The following MYO18A variants were observed in gnomAD, a reference collection of about 807,000 sequenced individuals.
MYO18A encodes myosin XVIIIA.
MYO18A carries 78 observed loss-of-function variants against 235.8 expected under a neutral mutation model. The observed-to-expected ratio is 0.33, with a 90% CI of 0.28 to 0.40. The LOEUF (loss-of-function observed/expected upper bound fraction) is 0.40, where lower values mean the gene tolerates loss of function less well. Among genes scored for constraint, MYO18A ranks in the 10% least tolerant of loss-of-function variants. The pLI, the probability that MYO18A is intolerant of heterozygous loss-of-function variation, is 1.00. For missense variants in MYO18A, 2,215 were observed against 2,699.3 expected (o/e 0.82, Z 3.98); for synonymous variants, 977 against 1,077.8 (o/e 0.91, Z 1.83).
chr17:29,094,640 C>T lies in MYO18A; in HGVS notation c.4710+10G>A. The stretch of plus-strand genomic sequence containing the variant: ...CACCTCACCTCTCCCTTGGCCAAGC[C>T]CTCCTGTACCTGTTCCAGCATCTGG... On this transcript the variant is annotated intron_variant, in intron 30 of 41. Transcript: ENST00000527372. 1 of 1,613,980 alleles carries T rather than the reference C, an allele frequency of 6.2e-7. No individual in the cohort carries two copies. The highest frequency in any genetic ancestry group is 8.5e-7 in the Non-Finnish European group (1 of 1,179,850).
intron 2 of MYO18A, chr17:29,129,161 C>T (rs993172234): frequency 2.4e-6 from 3 of 1,240,704 alleles, no homozygotes; most frequent in East Asian, 1.1e-4. Flanking sequence ...GGCCCCAAGA[C>T]ATGCCAGGCC....
intron 1 of MYO18A, among the ~76,000 whole-genome samples, chr17:29,169,684 G>A (rs2068359275): frequency 6.6e-6 from 1 of 152,134 alleles, no homozygotes; most frequent in African/African-American, 2.4e-5. Context: ...GGGCACTTGT[G>A]GAAGAAATGA....
intron 40 of MYO18A, 82 bp from the exon 41 acceptor site, chr17:29,082,520 G>A (rs570391543): frequency 4.7e-4 from 692 of 1,464,934 alleles, no homozygotes; most frequent in Non-Finnish European, 5.4e-4. Flanking sequence ...TGCAGGGGGT[G>A]TCTTGGGCAG....
At chr17:29,096,636 C>T in intron 28 of MYO18A, 125 bp downstream of exon 28, 1 of 1,236,112 alleles carries the variant, frequency 8.1e-7, no homozygotes, top group East Asian at 2.8e-5. Context: ...GATGAGTGAC[C>T]AGGCAAGCAA....
Position 29,156,922 on chromosome 17 carries a change from C to T in MYO18A, c.999+9020G>A, listed in dbSNP as rs895487634. On this transcript the variant is annotated intron_variant, in intron 2 of 41. Transcript: ENST00000527372. The stretch of plus-strand genomic sequence containing the variant: ...GCCAGTGAGAAGCCTGCATTGCCCC[C>T]ACCACTGCTAGGCCCTCTGCCAGGC... 5.3e-5 allele frequency among the ~76,000 whole-genome samples: 8 copies of T among 152,328 alleles called. No individual in the cohort carries two copies. The East Asian group carries it at 1.5e-3, about 29-fold the overall frequency.
intron 21 of MYO18A, among the ~76,000 whole-genome samples, chr17:29,100,494 G>A (rs977100051): frequency 7.2e-5 from 11 of 152,238 alleles, no homozygotes; most frequent in Admixed American, 7.2e-4. Context: ...GGGCTGGAGG[G>A]CAGGCATGTG....
At chr17:29,110,767 C>T in intron 17 of MYO18A, 145 bp from the exon 18 acceptor site, 1 of 804,028 alleles carries the variant, frequency 1.2e-6, no homozygotes, top group South Asian at 1.9e-5. Flanking sequence ...ATGCCCCACA[C>T]CCTACAGAGA....
Position 29,103,646 on chromosome 17 carries a change from C to T in MYO18A, c.3460G>A (p.Glu1154Lys). ...CTGCTCTTCTCCAGATCCAAGCACT[C>T]CAGCAGCTCCTCCACTGCCTGTGGA... is the stretch of plus-strand genomic sequence containing the variant. The part of the protein sequence containing the change: ...DERRAVEELL[E>K]CLDLEKSSCC... Residue 1154 changes from glutamate (E) to lysine (K), a missense_variant, in exon 21 of 42, where the codon GAG becomes AAG. Physicochemically the swap from Glu to Lys is moderately conservative, Grantham distance 56. Coordinates refer to ENST00000527372, the MANE Select transcript of MYO18A (RefSeq NM_078471.4). 6.2e-7 allele frequency: 1 copy of T among 1,613,834 alleles called. No homozygotes were observed. Among genetic ancestry groups the T allele is most frequent in the Non-Finnish European group, 8.5e-7 (1 of 1,179,898 alleles).
At chr17:29,146,680 T>G (rs1365523206) in intron 2 of MYO18A, among the ~76,000 whole-genome samples, 1 of 152,248 alleles carries the variant, frequency 6.6e-6, no homozygotes, top group African/African-American at 2.4e-5. Flanking sequence ...AACCTGGGGC[T>G]GTGACATTTT....
intron 38 of MYO18A, 82 bp downstream of exon 38, chr17:29,086,854 C>T: frequency 6.9e-7 from 1 of 1,457,056 alleles, no homozygotes. Context: ...ACCCTATCCT[C>T]AACCAGGCCA....
chr17:29,134,711 C>T (rs1270996463), intron 2 of MYO18A, among the ~76,000 whole-genome samples: 12 of 151,558 alleles, frequency 7.9e-5, no homozygotes, highest in African/African-American at 1.2e-4. Flanking sequence ...TTAGTAGAGA[C>T]GGGGTTTCTC....
intron 2 of MYO18A, among the ~76,000 whole-genome samples, chr17:29,139,251 C>G (rs1423602137): frequency 2.0e-5 from 3 of 152,220 alleles, no homozygotes; most frequent in Non-Finnish European, 4.4e-5. Flanking sequence ...GGAGGCCCCC[C>G]TTCCCTGGGG....
intron 1 of MYO18A, among the ~76,000 whole-genome samples, chr17:29,171,678 T>C (rs2068407252): frequency 6.6e-6 from 1 of 151,194 alleles, no homozygotes; most frequent in Admixed American, 6.6e-5. Context: ...GCAGATCGCT[T>C]GAGCTCAGGA....
At chr17:29,114,776 A>G in intron 14 of MYO18A, 131 bp downstream of exon 14, 1 of 980,672 alleles carries the variant, frequency 1.0e-6, no homozygotes, top group Non-Finnish European at 1.5e-6. Context: ...GCAAGGAACG[A>G]CTCCTGCTCC....
chr17:29,114,903 C>T lies in MYO18A; in HGVS notation c.2511+4G>A. The T allele has an allele frequency of 6.2e-7, 1 of 1,611,370 alleles. No homozygotes were observed. The highest frequency in any genetic ancestry group is 1.7e-4 in the Middle Eastern group (1 of 6,042). On this transcript the variant is annotated splice_donor_region_variant and intron_variant, in intron 14 of 41. Transcript: ENST00000527372. ...GCTAGATGAGGCCCAGGCCCCAGAG[C>T]TACCTCCTTGTATCTTTCCAACTCC...
chr17:29,160,685 A>G (rs779298100), intron 2 of MYO18A, among the ~76,000 whole-genome samples: 3 of 152,138 alleles, frequency 2.0e-5, no homozygotes, highest in Non-Finnish European at 2.9e-5. Context: ...CCACTGTAAC[A>G]TGTCCTCTCC....
At chr17:29,135,948 C>A (rs1169081462) in intron 2 of MYO18A, among the ~76,000 whole-genome samples, 1 of 152,202 alleles carries the variant, frequency 6.6e-6, no homozygotes, top group Non-Finnish European at 1.5e-5. Flanking sequence ...ATCTCATGGA[C>A]CGGGCGTGGT....
intron 2 of MYO18A, among the ~76,000 whole-genome samples, chr17:29,135,954 G>A (rs1211041396): frequency 2.6e-5 from 4 of 152,350 alleles, no homozygotes; most frequent in African/African-American, 4.8e-5. Flanking sequence ...TGGACCGGGC[G>A]TGGTGGCTCA....
chr17:29,106,689 C>T lies in MYO18A; in HGVS notation c.3441+391G>A, dbSNP rs1195888758. The stretch of plus-strand genomic sequence containing the variant: ...ACCACGGAGGTCTCACCATATCCAC[C>T]TTCCTTCTAGGAGGAATGTTCGCCC... On this transcript the variant is annotated intron_variant, in intron 20 of 41. Coordinates refer to ENST00000527372, the MANE Select transcript of MYO18A (RefSeq NM_078471.4). This position sits in a 1 kb window ranked among gnomAD's most constrained non-coding sequence, Gnocchi z 4.6. 1.3e-5 allele frequency among the ~76,000 whole-genome samples: 2 copies of T among 152,216 alleles called. No homozygotes were observed. Among genetic ancestry groups the T allele is most frequent in the Non-Finnish European group, 2.9e-5 (2 of 68,034 alleles).
Sources: allele counts gnomAD v4.1 joint callset (sites outside exome capture counted in the v4.1 genomes callset), GRCh38; gene constraint gnomAD v4.1.1; non-coding constraint Gnocchi (gnomAD v3.1); transcripts MANE v1.5; gene names NCBI Gene and HGNC (gene_info 2026-07-23, HGNC 2026-07-21).